Variants in EDA observed in about 807,000 individuals in gnomAD.
EDA encodes ectodysplasin-A.
In EDA, 2 loss-of-function variants were observed where a neutral mutation model predicts 23.6. The ratio of observed to expected loss-of-function variants is 0.08; its 90% CI spans 0.03 to 0.27. EDA has a LOEUF of 0.27. EDA is among the 10% of genes least tolerant of loss of function. The probability of loss-of-function intolerance (pLI) is 1.00; values close to 1 mark genes in which losing one functional copy is unlikely to be tolerated. For missense variants in EDA, 229 were observed against 324.2 expected, an observed-to-expected ratio of 0.71 and a Z score of 2.26; for synonymous variants, 131 against 132.0, an observed-to-expected ratio of 0.99 and a Z score of 0.05.
At chrX:69,902,657 G>T (rs1314366130) in intron 1 of EDA, among the ~76,000 whole-genome samples, 2 of 112,144 alleles carry the variant, frequency 1.8e-5, no homozygotes, top group African/African-American at 6.5e-5. Context: ...AACTGTTGAT[G>T]TTTTAATTGC....
chrX:69,664,666 T>TTTTG (rs1555979005), intron 1 of EDA, among the ~76,000 whole-genome samples: 3 of 104,054 alleles, frequency 2.9e-5, no homozygotes, highest in African/African-American at 1.1e-4. Flanking sequence ...TAATATTTCA[T>TTTTG]TGTGTGTGTG....
chrX:69,753,876 A>T (rs913075512), intron 1 of EDA, among the ~76,000 whole-genome samples: 6 of 97,186 alleles, frequency 6.2e-5, no homozygotes, highest in Non-Finnish European at 1.2e-4. Context: ...AGTCTGTTTT[A>T]TCAGAGACTA....
chrX:69,910,405 G>A (rs1027009638), intron 1 of EDA, among the ~76,000 whole-genome samples: 12 of 106,927 alleles, frequency 1.1e-4, no homozygotes, highest in African/African-American at 3.7e-4. Context: ...GTGTGTGTGT[G>A]TGTGTGTGTG....
At chrX:69,669,127 T>C (rs1008586253) in intron 1 of EDA, among the ~76,000 whole-genome samples, 1 of 111,724 alleles carries the variant, frequency 9.0e-6, no homozygotes, top group South Asian at 3.7e-4. Context: ...TTGTGTAGAA[T>C]AGCTTTTCCC....
At chrX:69,920,820 G>A (rs1204471942) in intron 1 of EDA, among the ~76,000 whole-genome samples, 1 of 111,631 alleles carries the variant, frequency 9.0e-6, no homozygotes, top group Non-Finnish European at 1.9e-5. Flanking sequence ...ATATTTCACT[G>A]TTTGTAAGGA....
rs1182090089 is a variant in EDA at position 69,960,713 on chromosome X, TATA to T, written c.502+3586_502+3588del. Among the ~76,000 whole-genome samples, 3 of 110,813 alleles carry T rather than the reference TATA, an allele frequency of 2.7e-5. No individual in the cohort carries two copies. In the East Asian group the frequency reaches 8.5e-4, roughly 31 times the overall value. On this transcript the variant is annotated intron_variant, in intron 2 of 7. Coordinates refer to ENST00000374552, the MANE Select transcript of EDA (RefSeq NM_001399.5). ...TAAATTCACAAATTACTTGATATGT[TATA>T]ATAAAAATTTAACTATCTAAGCTCA...
Position 70,033,431 on chromosome X carries a change from G to A in EDA, c.827G>A (p.Arg276His), listed in dbSNP as rs1057517731. 3 of 1,211,804 alleles carry A rather than the reference G, an allele frequency of 2.5e-6. No individual in the cohort carries two copies. The highest frequency in any genetic ancestry group is 1.8e-5 in the South Asian group (1 of 56,990). Residue 276 changes from arginine (R) to histidine (H), a missense_variant, in exon 7 of 8, where the codon CGC becomes CAC. This residue lies in a region of EDA where 175 missense variants were observed against 281.8 expected (regional missense o/e 0.62). Coordinates refer to ENST00000374552, the MANE Select transcript of EDA (RefSeq NM_001399.5). ...LSGGVLNDWS[R>H]ITMNPKVFKL... ...GGTGGAGTGCTCAATGACTGGTCTC[G>A]CATCACTATGAACCCCAAGGTGTTT...
intron 1 of EDA, among the ~76,000 whole-genome samples, chrX:69,926,401 A>T (rs760931596): frequency 9.0e-6 from 1 of 111,320 alleles, no homozygotes; most frequent in African/African-American, 3.3e-5. Context: ...TTTCTGCTTT[A>T]ATTTCATCAT....
chrX:69,937,527 T>C (rs1231210149), intron 1 of EDA: 14 of 962,816 alleles, frequency 1.5e-5, no homozygotes, highest in East Asian at 3.1e-5. Context: ...TTTGATTAAA[T>C]AGCCAAAGTT....
intron 1 of EDA, among the ~76,000 whole-genome samples, chrX:69,754,470 C>T (rs772247111): frequency 2.7e-5 from 3 of 111,652 alleles, no homozygotes; most frequent in Non-Finnish European, 5.6e-5. Flanking sequence ...GTGAGTAACC[C>T]GACCTTTCTG....
chrX:69,760,010 T>G (rs1246245048), intron 1 of EDA, among the ~76,000 whole-genome samples: 1 of 108,418 alleles, frequency 9.2e-6, no homozygotes, highest in Admixed American at 9.9e-5. Flanking sequence ...TACCACGTCT[T>G]TAAAGATTCT....
At chrX:70,000,950 G>A (rs2019732612) in intron 2 of EDA, among the ~76,000 whole-genome samples, 1 of 111,791 alleles carries the variant, frequency 8.9e-6, no homozygotes, top group Admixed American at 9.5e-5. Flanking sequence ...GTTCTGCTGA[G>A]TATAATGTAT....
intron 1 of EDA, among the ~76,000 whole-genome samples, chrX:69,845,491 C>A (rs926077940): frequency 5.3e-5 from 6 of 112,216 alleles, no homozygotes; most frequent in Non-Finnish European, 7.5e-5. Flanking sequence ...GGACAATTAG[C>A]AACTTTACAT....
chrX:69,819,096 T>G, intron 1 of EDA, among the ~76,000 whole-genome samples: 1 of 112,266 alleles, frequency 8.9e-6, no homozygotes, highest in East Asian at 2.8e-4. Context: ...ATTCATCACA[T>G]AAACAGAACT....
At chrX:69,660,749 C>T (rs1303208359) in intron 1 of EDA, among the ~76,000 whole-genome samples, 1 of 111,648 alleles carries the variant, frequency 9.0e-6, no homozygotes, top group Non-Finnish European at 1.9e-5. Flanking sequence ...CATTGGTGGA[C>T]ATTTGTGTTG....
At chrX:69,918,310 C>A (rs1222081975) in intron 1 of EDA, among the ~76,000 whole-genome samples, 1 of 110,020 alleles carries the variant, frequency 9.1e-6, no homozygotes, top group African/African-American at 3.3e-5. Flanking sequence ...GTGTGTGCCA[C>A]CACACCAGGC....
At chrX:69,678,144 T>C (rs1318827936) in intron 1 of EDA, among the ~76,000 whole-genome samples, 3 of 111,144 alleles carry the variant, frequency 2.7e-5, no homozygotes, top group African/African-American at 9.8e-5. Flanking sequence ...ATATGCGACG[T>C]TATTCCTGAG....
intron 1 of EDA, among the ~76,000 whole-genome samples, chrX:69,822,051 G>C (rs1174904442): frequency 9.0e-6 from 1 of 111,128 alleles, no homozygotes; most frequent in Non-Finnish European, 1.9e-5. Context: ...AGGAAGCTGA[G>C]GCAGGATGAT....
At chrX:69,755,842 T>G (rs1192577419) in intron 1 of EDA, among the ~76,000 whole-genome samples, 2 of 112,649 alleles carry the variant, frequency 1.8e-5, no homozygotes, top group East Asian at 2.8e-4. Flanking sequence ...TGAGGCGCTG[T>G]GGGCATGGGA....
Sources: gnomAD v4.1 joint callset for allele counts (sites outside exome capture counted in the v4.1 genomes callset) on GRCh38, gnomAD v4.1.1 for gene constraint, gnomAD v4.1.1 regional missense constraint, MANE v1.5 for transcripts, NCBI Gene and HGNC (gene_info 2026-07-23, HGNC 2026-07-21) for gene names.